TENT4B: variants seen among roughly 807,000 people sequenced by gnomAD.
The protein encoded by TENT4B is PAP associated domain containing 5.
Under a neutral mutation model 75.0 loss-of-function variants are expected in TENT4B, and 10 were observed. That is an observed-to-expected ratio of 0.13 (90% confidence interval 0.08 to 0.23). TENT4B has a LOEUF of 0.23. Among genes scored for constraint, TENT4B ranks in the 10% least tolerant of loss-of-function variants. The pLI is 1.00. For synonymous variants in TENT4B, 350 were observed against 357.7 expected (o/e 0.98, Z 0.24); for missense variants, 579 against 893.8 (o/e 0.65, Z 4.49).
intron 5 of TENT4B, among the ~76,000 whole-genome samples, chr16:50,220,037 G>A (rs1242901339): frequency 2.6e-5 from 4 of 151,106 alleles, no homozygotes; most frequent in African/African-American, 9.7e-5. Context: ...TGCCCAGGCT[G>A]GAGTGCAGTG....
intron 1 of TENT4B, among the ~76,000 whole-genome samples, chr16:50,170,668 A>AT (rs201070394): frequency 0.019 from 2,752 of 145,474 alleles, 41 homozygotes; most frequent in Non-Finnish European, 0.029. Context: ...CAAGATAGGG[A>AT]TTTTTTTTTT....
Position 50,153,731 on chromosome 16 carries a change from A to G in TENT4B, c.110A>G (p.His37Arg). The G allele has an allele frequency of 9.6e-7, 1 of 1,040,980 alleles. No individual in the cohort carries two copies. The highest frequency in any genetic ancestry group is 1.8e-5 in the African/African-American group (1 of 55,870). 64.5% of individuals were successfully genotyped at this position (1,040,980 alleles called of 1,614,324 possible). A position where few individuals can be genotyped will look rare whatever the true frequency, so the allele number is the denominator to read the frequency against. The change falls in exon 1 of 12, where the codon CAC becomes CGC. Residue 37 changes from histidine to arginine, a missense_variant. This residue lies in a region of TENT4B where 253 missense variants were observed against 270.1 expected (regional missense o/e 0.94). Transcript: ENST00000561678. ...GGGCTGAGGAACCTCTACTTCAACC[A>G]CCACTGTCACAGCAGCGGCGGCGCG... The part of the protein sequence containing the change: ...TQGLRNLYFN[H>R]HCHSSGGASG...
At chr16:50,183,305 A>G (rs1190403186) in intron 1 of TENT4B, among the ~76,000 whole-genome samples, 3 of 151,624 alleles carry the variant, frequency 2.0e-5, no homozygotes, top group African/African-American at 7.3e-5. Flanking sequence ...GAGCCTCCCA[A>G]AGTGCTGGGA....
chr16:50,215,963 C>A, intron 3 of TENT4B, 112 bp from the exon 4 acceptor site: 1 of 1,316,758 alleles, frequency 7.6e-7, no homozygotes, highest in Non-Finnish European at 1.1e-6. Flanking sequence ...TCTTCGTTGG[C>A]CAGGGTGGGA....
chr16:50,206,136 T>C lies in TENT4B; in HGVS notation c.639-5187T>C, dbSNP rs569755913. On this transcript the variant is annotated intron_variant, in intron 1 of 11. Transcript: ENST00000561678. ...TAATTAATCCTGTGGTGAGCATCCT[T>C]ATACAGATATCCTTGTTCCCTCATG... 2.0e-5 allele frequency among the ~76,000 whole-genome samples: 3 copies of C among 152,278 alleles called. No individual in the cohort carries two copies. The South Asian group carries it at 6.2e-4, about 32-fold the overall frequency.
At position 50,231,007 on chromosome 16, in the gene TENT4B, G is replaced by A. The variant is rs1450177091; in HGVS notation, c.*1679G>A. 1.0e-6 allele frequency: 1 copy of A among 983,048 alleles called. No individual in the cohort carries two copies. The highest frequency in any genetic ancestry group is 1.2e-6 in the Non-Finnish European group (1 of 827,600). 60.9% of individuals were successfully genotyped at this position (983,048 alleles called of 1,614,324 possible). A position where few individuals can be genotyped will look rare whatever the true frequency, so the allele number is the denominator to read the frequency against. ...CTGAAGACCAATCAGACCATTAATGGACACTTAGTGTAACTTTTTATAAAG... is the reference window on the plus strand; with the variant it reads ...CTGAAGACCAATCAGACCATTAATGAACACTTAGTGTAACTTTTTATAAAG... On this transcript the variant is annotated 3_prime_UTR_variant, in exon 12 of 12. Transcript: ENST00000561678.
chr16:50,200,009 C>T (rs2030533095), intron 1 of TENT4B, among the ~76,000 whole-genome samples: 1 of 152,064 alleles, frequency 6.6e-6, no homozygotes, highest in Non-Finnish European at 1.5e-5. Flanking sequence ...GTTTTCAGTT[C>T]ATTATGGTAA....
rs754126883 is a variant in TENT4B, at chr16:50,216,169, T to G, written c.904T>G (p.Ser302Ala). ...GAAACACAAAGTCGCAGATGAGGAT[T>G]CGGTGAAAGTTTTAGACAAAGCAAC... ...LRKHKVADED[S>A]VKVLDKATVP... is the part of the protein sequence containing the mutation. The change falls in exon 4 of 12, where the codon TCG becomes GCG. Residue 302 changes from serine (S) to alanine (A), a missense_variant. By Grantham distance (99) the Ser-to-Ala change is moderately conservative. Coordinates refer to ENST00000561678, the MANE Select transcript of TENT4B (RefSeq NM_001365324.3). 4 of 1,613,988 alleles carry G rather than the reference T, an allele frequency of 2.5e-6. No homozygotes were observed. Among genetic ancestry groups the G allele is most frequent in the Non-Finnish European group, 3.4e-6 (4 of 1,179,866 alleles).
At chr16:50,214,446 A>T (rs1253040051) in intron 3 of TENT4B, among the ~76,000 whole-genome samples, 179 bp downstream of exon 3, 1 of 152,190 alleles carries the variant, frequency 6.6e-6, no homozygotes, top group African/African-American at 2.4e-5. Context: ...ATTTGAGGTC[A>T]GGAGTTCAAG....
intron 1 of TENT4B, among the ~76,000 whole-genome samples, chr16:50,167,620 T>C (rs2038126306): frequency 6.6e-6 from 1 of 152,132 alleles, no homozygotes; most frequent in Non-Finnish European, 1.5e-5. Flanking sequence ...ATGAGTTTTA[T>C]AGTTTTAGCT....
chr16:50,210,309 C>A (rs558311953), intron 1 of TENT4B, among the ~76,000 whole-genome samples: 2 of 152,342 alleles, frequency 1.3e-5, no homozygotes, highest in African/African-American at 4.8e-5. Context: ...CATTGCTCAG[C>A]CCAGTGAGTT....
intron 5 of TENT4B, among the ~76,000 whole-genome samples, chr16:50,221,142 T>G (rs922552126): frequency 6.6e-6 from 1 of 151,920 alleles, no homozygotes; most frequent in Non-Finnish European, 1.5e-5. Context: ...AAAAATTAGC[T>G]GGGCATGGTG....
intron 1 of TENT4B, among the ~76,000 whole-genome samples, chr16:50,189,262 A>G (rs1369412029): frequency 6.6e-6 from 1 of 152,088 alleles, no homozygotes; most frequent in Non-Finnish European, 1.5e-5. Flanking sequence ...GGTTTATATG[A>G]CCCTGGAGTA....
chr16:50,157,622 G>A (rs931188629), intron 1 of TENT4B, among the ~76,000 whole-genome samples: 1 of 152,062 alleles, frequency 6.6e-6, no homozygotes, highest in African/African-American at 2.4e-5. Flanking sequence ...ATGGAGACAG[G>A]GTCTCGCTCT....
At chr16:50,174,193 G>A (rs1037541310) in intron 1 of TENT4B, among the ~76,000 whole-genome samples, 1 of 152,094 alleles carries the variant, frequency 6.6e-6, no homozygotes, top group African/African-American at 2.4e-5. Context: ...TGCTTCCTGG[G>A]TTCAAGTGAT....
At chr16:50,197,893 A>C (rs2030378583) in intron 1 of TENT4B, among the ~76,000 whole-genome samples, 1 of 152,152 alleles carries the variant, frequency 6.6e-6, no homozygotes, top group African/African-American at 2.4e-5. Flanking sequence ...TTCATTATGG[A>C]CAGAAAAACC....
chr16:50,206,771 G>GAT (rs2030997735), intron 1 of TENT4B, among the ~76,000 whole-genome samples: 1 of 152,122 alleles, frequency 6.6e-6, no homozygotes, highest in East Asian at 1.9e-4. Context: ...TGGTCCAGCT[G>GAT]AAGGATGCGA....
At chr16:50,159,469 A>T (rs922859196) in intron 1 of TENT4B, among the ~76,000 whole-genome samples, 8 of 151,980 alleles carry the variant, frequency 5.3e-5, no homozygotes. Flanking sequence ...CAAACTCCCA[A>T]CATCAGGTGA....
At position 50,231,632 on chromosome 16, in the gene TENT4B, T is replaced by A. The variant is rs2032298202; in HGVS notation, c.*2304T>A. The A allele has an allele frequency of 6.1e-6, 6 of 985,686 alleles. No homozygotes were observed. The highest frequency in any genetic ancestry group is 7.2e-6 in the Non-Finnish European group (6 of 829,914). The allele number at this position is 985,686 out of a possible 1,614,324, so 61.1% of individuals were successfully genotyped here. A position where few individuals can be genotyped will look rare whatever the true frequency, so the allele number is the denominator to read the frequency against. On this transcript the variant is annotated 3_prime_UTR_variant, in exon 12 of 12. Transcript: ENST00000561678. ...GGTTTTCGTAAATTTATTGGGAAAA[T>A]AGTTTTTCCTGTACTGCTGAAGTTT...
Sources: gnomAD v4.1 joint callset for allele counts (sites outside exome capture counted in the v4.1 genomes callset) on GRCh38, gnomAD v4.1.1 for gene constraint, gnomAD v4.1.1 regional missense constraint, MANE v1.5 for transcripts, NCBI Gene and HGNC (gene_info 2026-07-23, HGNC 2026-07-21) for gene names.